Variants in SERINC5 observed in about 807,000 individuals in gnomAD.
SERINC5 encodes the protein chromosome 5 open reading frame 12.
In SERINC5, 41 loss-of-function variants were observed where a neutral mutation model predicts 63.1. The ratio of observed to expected loss-of-function variants is 0.65; its 90% CI spans 0.51 to 0.84. The LOEUF is 0.84. SERINC5 is among the 40% of genes least tolerant of loss of function. The pLI, the probability that SERINC5 is intolerant of heterozygous loss-of-function variation, is 0.00. For missense variants in SERINC5, 523 were observed against 573.0 expected (o/e 0.91, Z 0.89); for synonymous variants, 222 against 215.2 (o/e 1.03, Z -0.28).
At chr5:80,229,285 A>T (rs7708744) in intron 1 of SERINC5, among the ~76,000 whole-genome samples, 80,004 of 150,666 alleles carry the variant, frequency 0.53, 22,533 homozygotes, top group African/African-American at 0.73. Context: ...TGGTCTCCCA[A>T]AGTGCTGGGA....
chr5:80,210,256 G>T (rs939408917), intron 1 of SERINC5, among the ~76,000 whole-genome samples: 1 of 152,076 alleles, frequency 6.6e-6, no homozygotes, highest in African/African-American at 2.4e-5. Flanking sequence ...TAAATAGGAG[G>T]TGCTTTGTCC....
chr5:80,199,812 T>C (rs376694713), intron 2 of SERINC5, among the ~76,000 whole-genome samples: 1 of 152,130 alleles, frequency 6.6e-6, no homozygotes, highest in African/African-American at 2.4e-5. Context: ...CTACAACCAG[T>C]GCACAGCAGA....
Position 80,197,571 on chromosome 5 carries a change from T to TG in SERINC5, c.195+5314_195+5315insC, listed in dbSNP as rs1197983344. 3.1e-4 allele frequency among the ~76,000 whole-genome samples: 47 copies of TG among 152,110 alleles called. 1 individual carries two copies. Among genetic ancestry groups the TG allele is most frequent in the African/African-American group, 1.1e-3 (47 of 41,412 alleles). ...GGCTGGGAATATCTATGGCTCTTCC[T>TG]ACATTGGCCTGGCACATTGAGCTCT... On this transcript the variant is annotated intron_variant, in intron 2 of 11. Transcript: ENST00000507668.
intron 1 of SERINC5, among the ~76,000 whole-genome samples, chr5:80,247,280 T>C (rs959229355): frequency 1.3e-5 from 2 of 152,200 alleles, no homozygotes; most frequent in Non-Finnish European, 2.9e-5. Flanking sequence ...TTAAAATACC[T>C]GGAAAACTGG....
At chr5:80,199,669 A>C (rs761888955) in intron 2 of SERINC5, among the ~76,000 whole-genome samples, 7 of 152,228 alleles carry the variant, frequency 4.6e-5, no homozygotes, top group African/African-American at 1.2e-4. Context: ...CTCCCAAATT[A>C]TCTCTCCCTC....
At chr5:80,214,321 G>A (rs145545532) in intron 1 of SERINC5, among the ~76,000 whole-genome samples, 37 of 152,262 alleles carry the variant, frequency 2.4e-4, no homozygotes, top group African/African-American at 8.9e-4. Context: ...AGAATTATGA[G>A]TGACTATGCT....
chr5:80,230,743 T>G (rs1751401228), intron 1 of SERINC5, among the ~76,000 whole-genome samples: 1 of 152,216 alleles, frequency 6.6e-6, no homozygotes, highest in African/African-American at 2.4e-5. Context: ...AGCTCCTTTG[T>G]GGTGAGCACA....
At chr5:80,187,468 A>T in intron 2 of SERINC5, among the ~76,000 whole-genome samples, 1 of 152,014 alleles carries the variant, frequency 6.6e-6, no homozygotes, top group East Asian at 1.9e-4. Context: ...CACACTGATG[A>T]CTTCCTGTTA....
At chr5:80,221,914 A>C (rs1213895494) in intron 1 of SERINC5, among the ~76,000 whole-genome samples, 2 of 152,098 alleles carry the variant, frequency 1.3e-5, no homozygotes, top group African/African-American at 4.8e-5. Context: ...AGGGAGGCCA[A>C]GGTGGGAGGG....
At chr5:80,114,904 C>T (rs1172940969) in intron 11 of SERINC5, among the ~76,000 whole-genome samples, 1 of 151,986 alleles carries the variant, frequency 6.6e-6, no homozygotes, top group Non-Finnish European at 1.5e-5. Context: ...AAGGTGGAAG[C>T]AAACATTATT....
intron 1 of SERINC5, among the ~76,000 whole-genome samples, chr5:80,206,251 A>C (rs1388179309): frequency 6.6e-6 from 1 of 152,254 alleles, no homozygotes; most frequent in Non-Finnish European, 1.5e-5. Flanking sequence ...GCAAGGCTTC[A>C]AAACAAGCAT....
In SERINC5 at chr5:80,203,028, C is replaced by A. The variant is rs369136942; in HGVS notation, c.53G>T (p.Gly18Val). 3 of 1,610,834 alleles carry A rather than the reference C, an allele frequency of 1.9e-6. No homozygotes were observed. The highest frequency in any genetic ancestry group is 2.5e-6 in the Non-Finnish European group (3 of 1,178,378). ...GCAGCAATCACAGCAGAGAGAGCAG[C>A]CTGCAGACCCACAGCAGCAGGCCAG... ...GQLACCCGSA[G>V]CSLCCDCCPR... Residue 18 changes from glycine to valine, a missense_variant, in exon 2 of 12, where the codon GGC (glycine) becomes GTC (valine). Transcript: ENST00000507668.
At chr5:80,177,082 G>C (rs1748081979) in intron 4 of SERINC5, among the ~76,000 whole-genome samples, 1 of 152,192 alleles carries the variant, frequency 6.6e-6, no homozygotes, top group South Asian at 2.1e-4. Context: ...CAGGCCAGCA[G>C]AGTATCAGAG....
chr5:80,246,799 T>C (rs775682668), intron 1 of SERINC5, among the ~76,000 whole-genome samples: 5 of 152,252 alleles, frequency 3.3e-5, no homozygotes, highest in Admixed American at 2.0e-4. Context: ...ATCATTAATA[T>C]ATAAGCTAGA....
At chr5:80,227,526 C>T (rs1448977519) in intron 1 of SERINC5, among the ~76,000 whole-genome samples, 1 of 151,424 alleles carries the variant, frequency 6.6e-6, no homozygotes, top group Non-Finnish European at 1.5e-5. Flanking sequence ...TTTGGGAGAC[C>T]CAGGCGGGTG....
Position 80,256,013 on chromosome 5 carries a change from C to T in SERINC5, c.-91G>A. On this transcript the variant is annotated 5_prime_UTR_variant, in exon 1 of 12. Transcript: ENST00000507668. Reference sequence around the variant, plus strand: ...TCGCGCCTCGAGCGCTGGGCTCAGCCGCAGCTCACACTTGAACGAAGATCA... The same window carrying T: ...TCGCGCCTCGAGCGCTGGGCTCAGCTGCAGCTCACACTTGAACGAAGATCA... 2 of 1,293,516 alleles carry T rather than the reference C, an allele frequency of 1.5e-6. No homozygotes were observed. The highest frequency in any genetic ancestry group is 3.1e-5 in the South Asian group (2 of 65,112). 80.1% of individuals were successfully genotyped at this position (1,293,516 alleles called of 1,614,324 possible).
In SERINC5 at chr5:80,175,084, T is replaced by C. The variant is rs777144194; in HGVS notation, c.458-37A>G. ...CATGAAGAACACAATGAGGCAACCTTTCGTTGTATTTTGCTCAAAAGAGAA... is the reference window on the plus strand; with the variant it reads ...CATGAAGAACACAATGAGGCAACCTCTCGTTGTATTTTGCTCAAAAGAGAA... On this transcript the variant is annotated intron_variant, in intron 4 of 11. Transcript: ENST00000507668. 5 of 1,423,434 alleles carry C rather than the reference T, an allele frequency of 3.5e-6. No individual in the cohort carries two copies. In the Admixed American group the frequency reaches 1.1e-4, roughly 31 times the overall value. The allele number at this position is 1,423,434 out of a possible 1,614,324, so 88.2% of individuals were successfully genotyped here. A position where few individuals can be genotyped will look rare whatever the true frequency, so the allele number is the denominator to read the frequency against.
At chr5:80,154,248 C>T (rs1377223302) in intron 8 of SERINC5, among the ~76,000 whole-genome samples, 3 of 151,796 alleles carry the variant, frequency 2.0e-5, no homozygotes, top group South Asian at 4.2e-4. Flanking sequence ...GGCTCGATGT[C>T]GGCTCACCAC....
chr5:80,224,143 AAAAAAAG>A (rs1399469971), intron 1 of SERINC5, among the ~76,000 whole-genome samples: 9 of 149,174 alleles, frequency 6.0e-5, no homozygotes, highest in Non-Finnish European at 1.2e-4. Context: ...CAAAAAAAAA[AAAAAAAG>A]AAAAAAGAAA....
Sources: allele counts gnomAD v4.1 joint callset (sites outside exome capture counted in the v4.1 genomes callset), GRCh38; gene constraint gnomAD v4.1.1; transcripts MANE v1.5; gene names NCBI Gene and HGNC (gene_info 2026-07-23, HGNC 2026-07-21).